Variants in PDE8B observed in about 807,000 individuals in gnomAD.
The protein encoded by PDE8B is phosphodiesterase 8B.
A neutral mutation model predicts 101.3 loss-of-function variants in PDE8B; 26 were observed. The ratio of observed to expected loss-of-function variants is 0.26; its 90% confidence interval spans 0.19 to 0.36. PDE8B has a LOEUF of 0.36. Ranked by LOEUF, PDE8B falls within the 10% of genes least tolerant of loss-of-function variation. PDE8B has a pLI of 1.00. For missense variants in PDE8B, 810 were observed against 1,163.1 expected (o/e 0.70, Z 4.42); for synonymous variants, 424 against 429.3 (o/e 0.99, Z 0.15).
chr5:77,172,459 T>C, the PDE8B span, among the ~76,000 whole-genome samples: 1 of 152,212 alleles, frequency 6.6e-6, no homozygotes, highest in Non-Finnish European at 1.5e-5. Context: ...CTAGTAACTT[T>C]TATGCCAAAG....
chr5:77,362,907 G>A (rs768753190), intron 10 of PDE8B, among the ~76,000 whole-genome samples: 5 of 152,110 alleles, frequency 3.3e-5, no homozygotes, highest in Non-Finnish European at 7.4e-5. Flanking sequence ...CTGTGGAGTG[G>A]ATTTGGCACT....
At chr5:77,331,313 G>A in intron 4 of PDE8B, 89 bp from the exon 5 acceptor site, 2 of 1,157,394 alleles carry the variant, frequency 1.7e-6, no homozygotes, top group African/African-American at 1.5e-5. Context: ...AGCTAACGCT[G>A]TGTGGCCTCA....
chr5:77,275,185 C>G (rs1250716321), intron 1 of PDE8B, among the ~76,000 whole-genome samples: 1 of 151,864 alleles, frequency 6.6e-6, no homozygotes, highest in Non-Finnish European at 1.5e-5. Flanking sequence ...ATAGTGAGAC[C>G]CCATCTTTTT....
chr5:77,296,419 G>C (rs867938730), intron 1 of PDE8B, among the ~76,000 whole-genome samples: 1 of 151,938 alleles, frequency 6.6e-6, no homozygotes, highest in Non-Finnish European at 1.5e-5. Context: ...ACACCACCGT[G>C]CCTGGCTAAT....
chr5:77,206,637 G>A (rs1034634303), upstream of PDE8B, among the ~76,000 whole-genome samples: 2 of 152,144 alleles, frequency 1.3e-5, no homozygotes, highest in South Asian at 2.1e-4. Flanking sequence ...CAGCAAGGTC[G>A]CCAGGATCCA....
chr5:77,139,788 A>G, the PDE8B span: 1 of 152,018 alleles, frequency 6.6e-6, no homozygotes. Context: ...CTATTTGGTT[A>G]TTTTCTAAAT....
At chr5:77,094,589 A>G in the PDE8B span, among the ~76,000 whole-genome samples, 1 of 152,288 alleles carries the variant, frequency 6.6e-6, no homozygotes, top group Non-Finnish European at 1.5e-5. Flanking sequence ...TATAAGCATG[A>G]GCCACTATGC....
intron 6 of PDE8B, among the ~76,000 whole-genome samples, chr5:77,343,236 A>T (rs1372122511): frequency 6.6e-6 from 1 of 152,236 alleles, no homozygotes; most frequent in Non-Finnish European, 1.5e-5. Flanking sequence ...CAATAATGAA[A>T]TACAGTCATG....
chr5:77,134,064 C>G, the PDE8B span, among the ~76,000 whole-genome samples: 1 of 152,092 alleles, frequency 6.6e-6, no homozygotes, highest in Non-Finnish European at 1.5e-5. Context: ...TAATATTGAC[C>G]AGAGGATCAC....
chr5:77,256,707 G>A (rs752325294), intron 1 of PDE8B, among the ~76,000 whole-genome samples: 3 of 151,986 alleles, frequency 2.0e-5, no homozygotes, highest in Non-Finnish European at 2.9e-5. Context: ...AACATCACTG[G>A]TGTTTAGAAT....
intron 1 of PDE8B, chr5:77,291,542 G>C: frequency 2.5e-6 from 4 of 1,604,340 alleles, no homozygotes; most frequent in Non-Finnish European, 3.4e-6. Flanking sequence ...AAGTAAAACA[G>C]AGACTTTCAA....
intron 1 of PDE8B, among the ~76,000 whole-genome samples, chr5:77,288,501 G>A (rs1360224428): frequency 2.0e-5 from 3 of 152,140 alleles, no homozygotes; most frequent in African/African-American, 7.2e-5. Flanking sequence ...TTATTGGAGA[G>A]TCGGCCCAAG....
At position 77,211,182 on chromosome 5, in the gene PDE8B, C is replaced by A; in HGVS notation, c.257C>A (p.Ala86Asp). ...AGCAGCGCGGGTTCCGCAGCCCCCG[C>A]CGCGACCACCAGCAGGGGCCGGAGG... ...SGSSAGSAAP[A>D]ATTSRGRRRH... The change falls in exon 1 of 22, where the codon GCC becomes GAC. Residue 86 changes from alanine (A) to aspartate (D), a missense_variant. Physicochemically the swap from Ala to Asp is moderately radical, Grantham distance 126. Coordinates refer to ENST00000264917, the MANE Select transcript of PDE8B (RefSeq NM_003719.5). The surrounding 1 kb of genome is among the most constrained non-coding windows in gnomAD (Gnocchi z 4.1). The A allele has an allele frequency of 6.5e-7, 1 of 1,544,654 alleles. No individual in the cohort carries two copies. Among genetic ancestry groups the A allele is most frequent in the Admixed American group, 1.9e-5 (1 of 52,966 alleles).
Position 77,324,925 on chromosome 5 carries a change from A to G in PDE8B, c.400-614A>G, listed in dbSNP as rs143155868. Among the ~76,000 whole-genome samples, 757 of 152,344 alleles carry G rather than the reference A, an allele frequency of 5.0e-3. 1 individual carries two copies. Among genetic ancestry groups the G allele is most frequent in the Non-Finnish European group, 7.9e-3 (540 of 68,032 alleles). ...GAAATACTTGTAATTGCAGTGAGTAACAATCACCACCAGAGTGAATGGGCA... is the reference window on the plus strand; with the variant it reads ...GAAATACTTGTAATTGCAGTGAGTAGCAATCACCACCAGAGTGAATGGGCA... On this transcript the variant is annotated intron_variant, in intron 2 of 21. Coordinates refer to ENST00000264917, the MANE Select transcript of PDE8B (RefSeq NM_003719.5).
chr5:77,180,054 G>C, the PDE8B span, among the ~76,000 whole-genome samples: 1 of 152,204 alleles, frequency 6.6e-6, no homozygotes, highest in South Asian at 2.1e-4. Flanking sequence ...GGCCCAACGA[G>C]AGGAAAGTGG....
chr5:77,089,645 CT>C, the PDE8B span, among the ~76,000 whole-genome samples: 3 of 152,192 alleles, frequency 2.0e-5, no homozygotes, highest in African/African-American at 7.2e-5. Context: ...CCAAAGGACA[CT>C]TACAGCTACG....
the PDE8B span, among the ~76,000 whole-genome samples, chr5:77,184,576 C>T: frequency 6.6e-6 from 1 of 152,136 alleles, no homozygotes; most frequent in Admixed American, 6.5e-5. Context: ...CACATGAATT[C>T]CTAAAATATC....
intron 7 of PDE8B, among the ~76,000 whole-genome samples, chr5:77,349,167 C>T (rs1780648218): frequency 6.6e-6 from 1 of 152,048 alleles, no homozygotes; most frequent in South Asian, 2.1e-4. Context: ...TTCTGATATC[C>T]TACAGGGGAT....
chr5:77,204,050 G>GTTTT, the PDE8B span, among the ~76,000 whole-genome samples: 85 of 113,584 alleles, frequency 7.5e-4, no homozygotes, highest in African/African-American at 1.8e-3. Flanking sequence ...TGTACCCTTA[G>GTTTT]TTTTTTTTTT....
Sources: gnomAD v4.1 joint callset for allele counts (sites outside exome capture counted in the v4.1 genomes callset) on GRCh38, gnomAD v4.1.1 for gene constraint, Gnocchi (gnomAD v3.1) non-coding constraint, MANE v1.5 for transcripts, NCBI Gene and HGNC (gene_info 2026-07-23, HGNC 2026-07-21) for gene names.